The following EPHA6 variants were observed in gnomAD, a reference collection of about 807,000 sequenced individuals.
EPHA6 encodes ephrin type-A receptor 6.
Under a neutral mutation model 112.0 loss-of-function variants are expected in EPHA6, and 50 were observed. The observed-to-expected ratio is 0.45, with a 90% CI of 0.36 to 0.56. The LOEUF (loss-of-function observed/expected upper bound fraction) is 0.56. EPHA6 is among the 20% of genes least tolerant of loss of function. The pLI, the probability that EPHA6 is intolerant of heterozygous loss-of-function variation, is 0.00. For missense variants in EPHA6, 1,280 were observed against 1,417.4 expected, an observed-to-expected ratio of 0.90 and a Z score of 1.56; for synonymous variants, 529 against 490.7, an observed-to-expected ratio of 1.08 and a Z score of -1.03.
In EPHA6 at chr3:96,848,122, G is replaced by A. The variant is rs550016100; in HGVS notation, c.386-18703G>A. ...TATTTATACATATATTTCATTAAATGTATCTTACAAATTAGATTTTACTAT... is the reference window on the plus strand; with the variant it reads ...TATTTATACATATATTTCATTAAATATATCTTACAAATTAGATTTTACTAT... On this transcript the variant is annotated intron_variant, in intron 1 of 17. Coordinates refer to ENST00000389672, the MANE Select transcript of EPHA6 (RefSeq NM_001080448.3). Among the ~76,000 whole-genome samples the A allele has an allele frequency of 2.6e-5, 4 of 152,048 alleles. No homozygotes were observed. In the South Asian group the frequency reaches 6.2e-4, roughly 24 times the overall value.
intron 3 of EPHA6, among the ~76,000 whole-genome samples, chr3:97,049,086 G>A (rs2045604683): frequency 6.6e-6 from 1 of 152,214 alleles, no homozygotes; most frequent in Admixed American, 6.5e-5. Context: ...CAGGGCCAGT[G>A]GGGCTTGGGG....
intron 5 of EPHA6, among the ~76,000 whole-genome samples, chr3:97,315,374 A>G (rs1487645607): frequency 6.6e-6 from 1 of 151,698 alleles, no homozygotes; most frequent in Non-Finnish European, 1.5e-5. Flanking sequence ...GTGGCATAAC[A>G]ACATAAAATA....
chr3:97,419,928 C>A (rs1486895771), intron 6 of EPHA6, among the ~76,000 whole-genome samples: 1 of 151,702 alleles, frequency 6.6e-6, no homozygotes, highest in Non-Finnish European at 1.5e-5. Context: ...CATGAAATAA[C>A]CAAAATGAAG....
chr3:97,628,067 A>G (rs2107525784), intron 13 of EPHA6, among the ~76,000 whole-genome samples: 1 of 152,122 alleles, frequency 6.6e-6, no homozygotes, highest in East Asian at 1.9e-4. Context: ...CCTAATTACT[A>G]TATTTTATAA....
intron 5 of EPHA6, among the ~76,000 whole-genome samples, chr3:97,281,199 CTATG>C (rs766393420): frequency 4.4e-5 from 3 of 67,974 alleles, no homozygotes; most frequent in South Asian, 7.5e-4. Context: ...TTCAAAGAGT[CTATG>C]TGTGTGTGTG....
intron 3 of EPHA6, among the ~76,000 whole-genome samples, chr3:97,106,107 T>C (rs1479171056): frequency 3.3e-5 from 5 of 152,064 alleles, no homozygotes; most frequent in African/African-American, 7.2e-5. Flanking sequence ...TACTAAAATG[T>C]ATATATTAAA....
intron 13 of EPHA6, among the ~76,000 whole-genome samples, chr3:97,622,695 A>T (rs2093823386): frequency 6.6e-6 from 1 of 151,746 alleles, no homozygotes; most frequent in Admixed American, 6.6e-5. Flanking sequence ...GTCATTTTAC[A>T]TTCCTACCAA....
At chr3:97,475,602 C>T (rs1172561604) in intron 8 of EPHA6, 142 bp downstream of exon 8, 2 of 568,326 alleles carry the variant, frequency 3.5e-6, no homozygotes, top group Non-Finnish European at 6.1e-6. Context: ...GACAGTGAAC[C>T]ATCATTAGTT....
At chr3:96,845,637 A>G (rs1454507547) in intron 1 of EPHA6, among the ~76,000 whole-genome samples, 1 of 151,754 alleles carries the variant, frequency 6.6e-6, no homozygotes, top group Admixed American at 6.6e-5. Context: ...TAGGAAAACT[A>G]ATGTGTTAAT....
intron 4 of EPHA6, among the ~76,000 whole-genome samples, chr3:97,231,822 G>A (rs1576733006): frequency 6.6e-6 from 1 of 152,186 alleles, no homozygotes; most frequent in Admixed American, 6.5e-5. Context: ...TTCTGGGCTT[G>A]GTGATGACTT....
intron 3 of EPHA6, among the ~76,000 whole-genome samples, chr3:97,176,314 G>T (rs2076834154): frequency 6.6e-6 from 1 of 151,796 alleles, no homozygotes; most frequent in Non-Finnish European, 1.5e-5. Context: ...TTTAGTTGAG[G>T]ATTTTTTCAT....
intron 3 of EPHA6, among the ~76,000 whole-genome samples, chr3:97,082,009 T>C (rs1401280784): frequency 6.6e-6 from 1 of 151,708 alleles, no homozygotes; most frequent in Non-Finnish European, 1.5e-5. Context: ...TAAGCATATA[T>C]CATTTTAAAA....
At chr3:96,990,376 T>C (rs2043171273) in intron 3 of EPHA6, among the ~76,000 whole-genome samples, 1 of 152,172 alleles carries the variant, frequency 6.6e-6, no homozygotes, top group Non-Finnish European at 1.5e-5. Flanking sequence ...GTTATCTTTA[T>C]TATCCTTTAT....
At chr3:97,667,756 C>G (rs566595418) in intron 14 of EPHA6, among the ~76,000 whole-genome samples, 1 of 152,154 alleles carries the variant, frequency 6.6e-6, no homozygotes, top group South Asian at 2.1e-4. Context: ...CAGTGCCTGA[C>G]AGATCAAAAT....
At chr3:97,094,365 A>C (rs965011989) in intron 3 of EPHA6, among the ~76,000 whole-genome samples, 1 of 152,142 alleles carries the variant, frequency 6.6e-6, no homozygotes, top group African/African-American at 2.4e-5. Context: ...TCTGGTCACG[A>C]TATCAAAAGT....
At chr3:97,009,940 C>T (rs999684639) in intron 3 of EPHA6, 27 of 511,090 alleles carry the variant, frequency 5.3e-5, no homozygotes, top group Non-Finnish European at 9.2e-5. Context: ...GATGAGAGAA[C>T]CTGGTTACCT....
At chr3:96,989,106 G>A (rs754422322) in intron 3 of EPHA6, among the ~76,000 whole-genome samples, 1 of 151,984 alleles carries the variant, frequency 6.6e-6, no homozygotes, top group Non-Finnish European at 1.5e-5. Context: ...ACCAGCTTGA[G>A]TTTATTGATT....
At position 97,439,428 on chromosome 3, in the gene EPHA6, C is replaced by T. The variant is rs1271667602; in HGVS notation, c.1732-9140C>T. Among the ~76,000 whole-genome samples, 3 of 152,134 alleles carry T rather than the reference C, an allele frequency of 2.0e-5. No homozygotes were observed. The East Asian group carries it at 5.8e-4, about 29-fold the overall frequency. Reference sequence around the variant, plus strand: ...TACCTAAGAAAAACATTTTAGAGCACCTTACCCACTAGCTTAAACCACCAA... The same window carrying T: ...TACCTAAGAAAAACATTTTAGAGCATCTTACCCACTAGCTTAAACCACCAA... On this transcript the variant is annotated intron_variant, in intron 6 of 17. Transcript: ENST00000389672.
At chr3:97,499,118 C>T (rs551654723) in intron 10 of EPHA6, among the ~76,000 whole-genome samples, 55 of 152,236 alleles carry the variant, frequency 3.6e-4, no homozygotes, top group Non-Finnish European at 5.6e-4. Flanking sequence ...TAATGAAAAG[C>T]ACAAGGATGC....
Sources: gnomAD v4.1 joint callset for allele counts (sites outside exome capture counted in the v4.1 genomes callset) on GRCh38, gnomAD v4.1.1 for gene constraint, MANE v1.5 for transcripts, NCBI Gene and HGNC (gene_info 2026-07-23, HGNC 2026-07-21) for gene names.